OGDH: variants seen among roughly 807,000 people sequenced by gnomAD.
The protein encoded by OGDH is 2-oxoglutarate dehydrogenase complex component E1.
OGDH carries 38 observed loss-of-function variants against 116.6 expected under a neutral mutation model. The observed-to-expected ratio is 0.33, with a 90% CI of 0.25 to 0.43. The LOEUF (loss-of-function observed/expected upper bound fraction) is 0.43, where lower values mean the gene tolerates loss of function less well. OGDH is among the 20% of genes least tolerant of loss of function. OGDH has a pLI of 1.00. For missense variants in OGDH, 825 were observed against 1,357.2 expected (o/e 0.61, Z 6.16); for synonymous variants, 488 against 533.3 (o/e 0.92, Z 1.17).
chr7:44,670,576 G>A (rs1245877508), intron 5 of OGDH, among the ~76,000 whole-genome samples: 1 of 152,210 alleles, frequency 6.6e-6, no homozygotes, highest in Non-Finnish European at 1.5e-5. Flanking sequence ...GGATCCCCAA[G>A]TGTCTGTAAA....
intron 2 of OGDH, among the ~76,000 whole-genome samples, chr7:44,633,422 G>T (rs906539682): frequency 3.9e-5 from 6 of 152,162 alleles, no homozygotes; most frequent in Admixed American, 2.6e-4. Flanking sequence ...CAGCTTCCCC[G>T]CACAGTCTGA....
chr7:44,694,287 A>T lies in OGDH; in HGVS notation c.1516-137A>T. ...GAGATACACAGAATCCTAATTCTAG[A>T]GAAGGTAAACTCCAGGGCAGGCATG... is the stretch of plus-strand genomic sequence containing the variant. On this transcript the variant is annotated intron_variant, in intron 11 of 22. Coordinates refer to ENST00000222673, the MANE Select transcript of OGDH (RefSeq NM_002541.4). The surrounding 1 kb of genome is among the most constrained non-coding windows in gnomAD (Gnocchi z 4.2). 9.2e-7 allele frequency: 1 copy of T among 1,090,506 alleles called. No homozygotes were observed. Among genetic ancestry groups the T allele is most frequent in the Non-Finnish European group, 1.3e-6 (1 of 770,502 alleles). 67.6% of individuals were successfully genotyped at this position (1,090,506 alleles called of 1,614,324 possible). A position where few individuals can be genotyped will look rare whatever the true frequency, so the allele number is the denominator to read the frequency against.
chr7:44,670,299 C>G (rs1787375567), intron 5 of OGDH, among the ~76,000 whole-genome samples: 1 of 152,126 alleles, frequency 6.6e-6, no homozygotes, highest in Non-Finnish European at 1.5e-5. Flanking sequence ...GTTCTGCCAG[C>G]TCTGTAATTG....
intron 7 of OGDH, 43 bp downstream of exon 7, chr7:44,674,600 GTGGGCTGTGTAGGAGGCAC>G (rs1562661452): frequency 1.2e-6 from 2 of 1,610,546 alleles, no homozygotes; most frequent in Non-Finnish European, 1.7e-6. Context: ...CACCATCCCT[GTGGGCTGTGTAGGAGGCAC>G]CAGGTAAAGG....
intron 4 of OGDH, among the ~76,000 whole-genome samples, chr7:44,648,799 G>A (rs540337556): frequency 1.3e-5 from 2 of 152,248 alleles, no homozygotes; most frequent in East Asian, 1.9e-4. Flanking sequence ...GCCCTTTAGC[G>A]GATTTAGGAA....
chr7:44,675,723 C>T (rs1165615303), intron 8 of OGDH, among the ~76,000 whole-genome samples: 1 of 151,826 alleles, frequency 6.6e-6, no homozygotes, highest in East Asian at 1.9e-4. Flanking sequence ...ACTAAAAATA[C>T]AAAATTAGCC....
chr7:44,645,304 CCCTGTACCTTCTTTGT>C lies in OGDH; in HGVS notation c.223-21_223-6del. ...TGGACTTAGGGGAGCAGTGAGGTAA[CCCTGTACCTTCTTTGT>C]CTTTAGTCATGGGACATTTTTTTTC... On this transcript the variant is annotated splice_region_variant and splice_polypyrimidine_tract_variant and intron_variant, in intron 2 of 22. Transcript: ENST00000222673. The C allele has an allele frequency of 1.2e-6, 2 of 1,609,500 alleles. No homozygotes were observed. The highest frequency in any genetic ancestry group is 1.7e-6 in the Non-Finnish European group (2 of 1,176,956).
At chr7:44,654,599 G>A (rs1334380557) in intron 4 of OGDH, among the ~76,000 whole-genome samples, 1 of 152,138 alleles carries the variant, frequency 6.6e-6, no homozygotes, top group East Asian at 1.9e-4. Context: ...ACAGATAACC[G>A]AGGAGCTGGA....
intron 18 of OGDH, 105 bp downstream of exon 18, chr7:44,698,368 C>T: frequency 1.7e-6 from 2 of 1,171,286 alleles, no homozygotes; most frequent in South Asian, 2.6e-5. Context: ...GACCGTGCCT[C>T]TGTCCCTTTC....
intron 1 of OGDH, among the ~76,000 whole-genome samples, chr7:44,613,923 C>T (rs548526830): frequency 6.3e-4 from 95 of 151,720 alleles, no homozygotes; most frequent in African/African-American, 2.1e-3. Flanking sequence ...TCTCCTGCCT[C>T]AGCCTCCCGA....
At chr7:44,653,601 A>C (rs1425403811) in intron 4 of OGDH, among the ~76,000 whole-genome samples, 1 of 152,110 alleles carries the variant, frequency 6.6e-6, no homozygotes, top group Non-Finnish European at 1.5e-5. Context: ...ATCTCGACTC[A>C]CTGCAACCTC....
At chr7:44,667,909 A>G (rs1263999385) in intron 5 of OGDH, among the ~76,000 whole-genome samples, 1 of 152,032 alleles carries the variant, frequency 6.6e-6, no homozygotes, top group African/African-American at 2.4e-5. Flanking sequence ...TGACGTCCCT[A>G]ACTAACCCAG....
rs758667720 is a variant in OGDH, at chr7:44,697,025, T to C, written c.2012T>C (p.Ile671Thr). ...TCGCTCCTGAAGGAGGGCATCCACA[T>C]TCGGCTGAGCGGCCAGGACGTGGAG... ...FGSLLKEGIH[I>T]RLSGQDVERG... The change falls in exon 15 of 23, where the codon ATT becomes ACT. Residue 671 changes from isoleucine (I) to threonine (T), a missense_variant. Ile to Thr is a moderately conservative substitution (Grantham distance 89). Transcript: ENST00000222673. The surrounding 1 kb of genome is among the most constrained non-coding windows in gnomAD (Gnocchi z 6.0). The C allele has an allele frequency of 6.2e-7, 1 of 1,614,210 alleles. No homozygotes were observed.
intron 5 of OGDH, among the ~76,000 whole-genome samples, chr7:44,668,403 T>A (rs1229007235): frequency 6.6e-6 from 1 of 152,046 alleles, no homozygotes; most frequent in Non-Finnish European, 1.5e-5. Flanking sequence ...GCCACTGCAC[T>A]CCAGCCTGGG....
At chr7:44,631,010 G>A (rs1439754711) in intron 2 of OGDH, among the ~76,000 whole-genome samples, 1 of 152,108 alleles carries the variant, frequency 6.6e-6, no homozygotes, top group Non-Finnish European at 1.5e-5. Context: ...GGTAATGCTC[G>A]CTTGCCGCTC....
chr7:44,685,631 T>A (rs78399665), intron 10 of OGDH, among the ~76,000 whole-genome samples: 1 of 152,092 alleles, frequency 6.6e-6, no homozygotes, highest in Non-Finnish European at 1.5e-5. Flanking sequence ...TTTTTTTTTT[T>A]CCTTTGAGAC....
intron 1 of OGDH, among the ~76,000 whole-genome samples, chr7:44,613,747 C>T (rs546071504): frequency 5.3e-5 from 8 of 151,524 alleles, no homozygotes; most frequent in Non-Finnish European, 8.8e-5. Context: ...CTGCCCACAT[C>T]GGCCTCCCAA....
intron 20 of OGDH, among the ~76,000 whole-genome samples, chr7:44,703,267 T>G (rs1218869263): frequency 1.3e-5 from 2 of 151,796 alleles, no homozygotes; most frequent in Non-Finnish European, 2.9e-5. Context: ...AATACAAAAA[T>G]TAGCAGGGTG....
intron 20 of OGDH, among the ~76,000 whole-genome samples, chr7:44,704,514 C>T (rs956010473): frequency 2.0e-5 from 3 of 152,054 alleles, no homozygotes; most frequent in African/African-American, 4.8e-5. Flanking sequence ...CCACGGTACC[C>T]AGCCTATTCA....
Sources: gnomAD v4.1 joint callset for allele counts (sites outside exome capture counted in the v4.1 genomes callset) on GRCh38, gnomAD v4.1.1 for gene constraint, Gnocchi (gnomAD v3.1) non-coding constraint, MANE v1.5 for transcripts, NCBI Gene and HGNC (gene_info 2026-07-23, HGNC 2026-07-21) for gene names.